The following SEMA5B variants were observed in gnomAD, a reference collection of about 807,000 sequenced individuals.
The protein encoded by SEMA5B is semaphorin 5B.
In SEMA5B, 66 loss-of-function variants were observed where a neutral mutation model predicts 135.0. The ratio of observed to expected loss-of-function variants is 0.49; its 90% CI spans 0.40 to 0.60. The LOEUF (loss-of-function observed/expected upper bound fraction) is 0.60. Ranked by LOEUF, SEMA5B falls within the 20% of genes least tolerant of loss-of-function variation. SEMA5B has a pLI of 0.00. For missense variants in SEMA5B, 1,501 were observed against 1,566.3 expected (o/e 0.96, Z 0.70); for synonymous variants, 690 against 639.5 (o/e 1.08, Z -1.19).
Position 122,943,504 on chromosome 3 carries a change from G to A in SEMA5B, c.360C>T (p.Tyr120=). Residue 120 remains tyrosine, a synonymous_variant, in exon 4 of 23, where the codon TAC becomes TAT. Coordinates refer to ENST00000357599, the MANE Select transcript of SEMA5B (RefSeq NM_001031702.4). ...DLQPWVSNFT[Y]PGARDFSQLA... is the part of the protein sequence containing the mutation. ...GCTGGGAGAAATCCCGGGCTCCAGG[G>A]TAGGTGAAGTTAGAGACCCACGGCT... 2 of 1,610,048 alleles carry A rather than the reference G, an allele frequency of 1.2e-6. No homozygotes were observed. Among genetic ancestry groups the A allele is most frequent in the Non-Finnish European group, 1.7e-6 (2 of 1,178,802 alleles).
At chr3:122,963,363 C>T (rs1033906113) in intron 1 of SEMA5B, among the ~76,000 whole-genome samples, 7 of 151,852 alleles carry the variant, frequency 4.6e-5, no homozygotes, top group East Asian at 1.9e-4. Flanking sequence ...TGTGGTGGTC[C>T]GCACCTGTAT....
intron 1 of SEMA5B, among the ~76,000 whole-genome samples, chr3:123,024,602 C>T (rs1458103512): frequency 1.3e-5 from 2 of 152,112 alleles, no homozygotes; most frequent in African/African-American, 4.8e-5. Context: ...AGATGGCTCC[C>T]TCAAGGAACT....
chr3:123,018,493 T>G (rs2107820108), intron 1 of SEMA5B, among the ~76,000 whole-genome samples: 1 of 152,304 alleles, frequency 6.6e-6, no homozygotes, highest in South Asian at 2.1e-4. Context: ...GAAGCACACT[T>G]GAGTTGGGCA....
intron 2 of SEMA5B, among the ~76,000 whole-genome samples, chr3:122,955,685 T>C (rs936954420): frequency 6.6e-6 from 1 of 152,248 alleles, no homozygotes; most frequent in Non-Finnish European, 1.5e-5. Flanking sequence ...GTTGCAAACC[T>C]TGGTTTCATC....
At chr3:122,957,477 C>T (rs1012076293) in intron 2 of SEMA5B, among the ~76,000 whole-genome samples, 8 of 152,170 alleles carry the variant, frequency 5.3e-5, no homozygotes, top group African/African-American at 1.9e-4. Flanking sequence ...ATACTGCGGC[C>T]GACAAGGAGG....
At chr3:122,934,213 T>A (rs1279983465) in intron 5 of SEMA5B, among the ~76,000 whole-genome samples, 1 of 151,784 alleles carries the variant, frequency 6.6e-6, no homozygotes, top group African/African-American at 2.4e-5. Context: ...GGCCCAAAAA[T>A]TTTGTTTTTA....
At chr3:123,009,432 T>A (rs569712755) in intron 1 of SEMA5B, among the ~76,000 whole-genome samples, 1 of 152,154 alleles carries the variant, frequency 6.6e-6, no homozygotes, top group East Asian at 1.9e-4. Context: ...ACAGAGAGTA[T>A]AAAATGTGTT....
intron 1 of SEMA5B, chr3:122,976,199 C>T (rs1366444941): frequency 7.4e-6 from 11 of 1,496,194 alleles, no homozygotes; most frequent in Admixed American, 4.1e-5. Flanking sequence ...TCAAAATGTG[C>T]TCCTAGGACC....
intron 1 of SEMA5B, among the ~76,000 whole-genome samples, chr3:122,987,334 C>T (rs933610056): frequency 1.3e-5 from 2 of 152,190 alleles, no homozygotes; most frequent in African/African-American, 2.4e-5. Context: ...GGTATCTCCA[C>T]AGAATCCAGC....
At chr3:122,915,023 C>T (rs895080083) in intron 14 of SEMA5B, among the ~76,000 whole-genome samples, 1 of 152,208 alleles carries the variant, frequency 6.6e-6, no homozygotes, top group Non-Finnish European at 1.5e-5. Flanking sequence ...TACTATAACC[C>T]TCACTAAGAG....
At chr3:123,006,428 A>G (rs1469733699) in intron 1 of SEMA5B, among the ~76,000 whole-genome samples, 1 of 152,208 alleles carries the variant, frequency 6.6e-6, no homozygotes, top group African/African-American at 2.4e-5. Context: ...CTCAGCTCCA[A>G]TTAGAAAAGG....
chr3:123,008,563 G>A (rs1051609726), intron 1 of SEMA5B, among the ~76,000 whole-genome samples: 2 of 152,166 alleles, frequency 1.3e-5, no homozygotes, highest in African/African-American at 4.8e-5. Flanking sequence ...GAGTGAGGAC[G>A]AGGTGTGGAG....
rs755893006 is a variant in SEMA5B at position 122,961,313 on chromosome 3, G to T, written c.-38-12C>A. 7.4e-6 allele frequency: 12 copies of T among 1,611,788 alleles called. No homozygotes were observed. The highest frequency in any genetic ancestry group is 9.3e-6 in the Non-Finnish European group (11 of 1,178,758). On this transcript the variant is annotated splice_polypyrimidine_tract_variant and intron_variant, in intron 1 of 22. Transcript: ENST00000357599. ...GCTGGAACCACTCACTGAAGGGGGA[G>T]AATTTTGGGTAAGTCATGGATACAT...
At chr3:122,947,846 C>A (rs1316166956) in intron 3 of SEMA5B, among the ~76,000 whole-genome samples, 1 of 152,170 alleles carries the variant, frequency 6.6e-6, no homozygotes, top group Non-Finnish European at 1.5e-5. Flanking sequence ...ACCATGACCC[C>A]CCCCAAACTG....
chr3:122,913,018 G>A lies in SEMA5B; in HGVS notation c.2550C>T (p.His850=), dbSNP rs1356916246. ...VLLRSGSTSP[H]TVSGGWAAWG... is the part of the protein sequence containing the mutation. ...AGGCGGCCCAGCCCCCGCTCACCGT[G>A]TGCGGGGAGGTGCTCCCGCTGCGCA... Residue 850 remains histidine (H), a synonymous_variant, in exon 18 of 23, where the codon CAC becomes CAT. Transcript: ENST00000357599. The A allele has an allele frequency of 1.9e-6, 3 of 1,590,376 alleles. No homozygotes were observed. The highest frequency in any genetic ancestry group is 2.6e-6 in the Non-Finnish European group (3 of 1,168,778).
At chr3:122,993,481 T>G (rs1230441328) in intron 1 of SEMA5B, among the ~76,000 whole-genome samples, 1 of 152,072 alleles carries the variant, frequency 6.6e-6, no homozygotes, top group Non-Finnish European at 1.5e-5. Flanking sequence ...CAGAGAGCAG[T>G]GGTGTAATGC....
chr3:122,916,564 C>G (rs901564494), intron 12 of SEMA5B, among the ~76,000 whole-genome samples: 3 of 152,188 alleles, frequency 2.0e-5, no homozygotes, highest in African/African-American at 7.2e-5. Flanking sequence ...AGTAGTTTCC[C>G]TGAGATCACA....
chr3:122,974,304 C>T (rs1400999144), intron 1 of SEMA5B, among the ~76,000 whole-genome samples: 1 of 152,260 alleles, frequency 6.6e-6, no homozygotes, highest in African/African-American at 2.4e-5. Flanking sequence ...CCTGCACACA[C>T]ACAGGTGAAA....
chr3:122,975,884 G>A lies in SEMA5B; in HGVS notation c.-38-14583C>T, dbSNP rs1941301259. Reference sequence around the variant, plus strand: ...AAATCCAAACACCCTGCATAGCAAGGACTCTCCATCTGCCTCAGACTCCCT... The same window carrying A: ...AAATCCAAACACCCTGCATAGCAAGAACTCTCCATCTGCCTCAGACTCCCT... On this transcript the variant is annotated intron_variant, in intron 1 of 22. Coordinates refer to ENST00000357599, the MANE Select transcript of SEMA5B (RefSeq NM_001031702.4). 6 of 1,359,260 alleles carry A rather than the reference G, an allele frequency of 4.4e-6. No homozygotes were observed. In the South Asian group the frequency reaches 7.0e-5, roughly 16 times the overall value. 84.2% of individuals were successfully genotyped at this position (1,359,260 alleles called of 1,614,324 possible).
Sources: allele counts gnomAD v4.1 joint callset (sites outside exome capture counted in the v4.1 genomes callset), GRCh38; gene constraint gnomAD v4.1.1; transcripts MANE v1.5; gene names NCBI Gene and HGNC (gene_info 2026-07-23, HGNC 2026-07-21).